Variants in FAN1 observed in about 807,000 individuals in gnomAD.
FAN1 encodes the protein fanconi-associated nuclease 1.
In FAN1, 91 loss-of-function variants were observed where a neutral mutation model predicts 104.9. The observed-to-expected ratio is 0.87, with a 90% confidence interval of 0.73 to 1.03. The LOEUF (loss-of-function observed/expected upper bound fraction) is 1.03, where lower values mean the gene tolerates loss of function less well. Ranked by LOEUF, FAN1 falls within the 50% of genes least tolerant of loss-of-function variation. FAN1 has a pLI of 0.00. For missense variants in FAN1, 1,263 were observed against 1,239.9 expected (o/e 1.02, Z -0.28); for synonymous variants, 478 against 457.6 (o/e 1.04, Z -0.57).
At chr15:30,938,930 T>C in intron 14 of FAN1, 1 of 985,400 alleles carries the variant, frequency 1.0e-6, no homozygotes, top group South Asian at 4.7e-5. Context: ...GATTTCATAC[T>C]GACAACAACA....
chr15:30,937,437 G>C (rs2062888275), intron 14 of FAN1, among the ~76,000 whole-genome samples, 178 bp downstream of exon 14: 1 of 146,802 alleles, frequency 6.8e-6, no homozygotes, highest in Non-Finnish European at 1.5e-5. Flanking sequence ...TCCACACAGT[G>C]GGTAATAAAC....
At chr15:30,930,059 G>A (rs1010348070) in intron 12 of FAN1, among the ~76,000 whole-genome samples, 1 of 142,606 alleles carries the variant, frequency 7.0e-6, no homozygotes, top group Non-Finnish European at 1.5e-5. Context: ...TTATATATAT[G>A]AGAATACCCT....
rs2062682640 is a variant in FAN1 at position 30,930,555 on chromosome 15, T to C, written c.2800T>C (p.Cys934Arg). Residue 934 changes from cysteine to arginine, a missense_variant, in exon 13 of 15, where the codon TGC (cysteine) becomes CGC (arginine). Transcript: ENST00000362065. ...SLQQAQDLVS[C>R]LGGPVLSGVC... The stretch of plus-strand genomic sequence containing the variant: ...GTTTTGTGTTCAGGATCTTGTCTCC[T>C]GCCTGGGGGGCCCTGTGCTCAGTGG... The C allele has an allele frequency of 8.1e-6, 13 of 1,596,840 alleles. No individual in the cohort carries two copies. The highest frequency in any genetic ancestry group is 1.1e-5 in the Non-Finnish European group (13 of 1,175,288).
At chr15:30,927,383 C>T (rs978077642) in intron 10 of FAN1, 4 of 985,410 alleles carry the variant, frequency 4.1e-6, no homozygotes, top group African/African-American at 3.5e-5. Flanking sequence ...GACTTGGCAA[C>T]AGCCAGGAGT....
chr15:30,907,269 G>A (rs1258405198), intron 2 of FAN1, among the ~76,000 whole-genome samples: 10 of 151,990 alleles, frequency 6.6e-5, no homozygotes, highest in African/African-American at 2.4e-4. Context: ...TGTAATCCCA[G>A]CACTTTGGGA....
At chr15:30,909,068 T>C (rs545988811) in intron 3 of FAN1, among the ~76,000 whole-genome samples, 1 of 152,084 alleles carries the variant, frequency 6.6e-6, no homozygotes, top group African/African-American at 2.4e-5. Context: ...CTAAGGAGAG[T>C]CTATCTTCTG....
At chr15:30,914,210 A>T in intron 5 of FAN1, 119 bp downstream of exon 5, 1 of 716,332 alleles carries the variant, frequency 1.4e-6, no homozygotes, top group East Asian at 2.7e-5. Context: ...AACAGTTTTT[A>T]ATCTTTTTTT....
chr15:30,941,157 C>T (rs1368805305), intron 14 of FAN1: 2 of 1,313,162 alleles, frequency 1.5e-6, no homozygotes, highest in African/African-American at 1.5e-5. Context: ...ATGTGACTGA[C>T]TATCAGATAG....
At chr15:30,927,046 T>A in intron 10 of FAN1, 1 of 982,936 alleles carries the variant, frequency 1.0e-6, no homozygotes, top group Non-Finnish European at 1.2e-6. Flanking sequence ...GCACGGTAGC[T>A]TACACTTGTA....
chr15:30,928,645 A>T lies in FAN1; in HGVS notation c.2581A>T (p.Asn861Tyr). 6.2e-7 allele frequency: 1 copy of T among 1,613,744 alleles called. No individual in the cohort carries two copies. Reference sequence around the variant, plus strand: ...GGATGGGATTCCGGATGTCTTCAGAAACGCCTGTCAGGTACTCCAGTGCCC... The same window carrying T: ...GGATGGGATTCCGGATGTCTTCAGATACGCCTGTCAGGTACTCCAGTGCCC... ...FMDGIPDVFRNACQAFPLDLC... is the reference protein window; with the variant it reads ...FMDGIPDVFRYACQAFPLDLC... The change falls in exon 11 of 15, where the codon AAC becomes TAC. Residue 861 changes from asparagine (N) to tyrosine (Y), a missense_variant. This residue lies in a region of FAN1 where 581 missense variants were observed against 668.8 expected (regional missense o/e 0.87). Transcript: ENST00000362065.
At chr15:30,929,724 A>G (rs1363550135) in intron 12 of FAN1, among the ~76,000 whole-genome samples, 588 of 42,626 alleles carry the variant, frequency 0.014, 62 homozygotes, top group African/African-American at 0.019. Flanking sequence ...TAATATATAT[A>G]AAATATATAA....
chr15:30,913,745 TG>T (rs1265007180), intron 4 of FAN1, 112 bp from the exon 5 acceptor site: 3 of 703,378 alleles, frequency 4.3e-6, no homozygotes, highest in Non-Finnish European at 7.1e-6. Flanking sequence ...AATGCTCCAG[TG>T]TTTAAAATAG....
chr15:30,911,695 TTATC>T, intron 4 of FAN1: 1 of 894,702 alleles, frequency 1.1e-6, no homozygotes, highest in Middle Eastern at 5.8e-4. Flanking sequence ...AGTCCTTTCT[TTATC>T]TAATTGTATT....
At chr15:30,927,249 T>G (rs2062487349) in intron 10 of FAN1, 1 of 985,356 alleles carries the variant, frequency 1.0e-6, no homozygotes, top group Non-Finnish European at 1.2e-6. Flanking sequence ...GATCTGGCCT[T>G]TATATTCCTG....
In FAN1 at chr15:30,943,001, C is replaced by A; in HGVS notation, c.*1439C>A. 6.4e-7 allele frequency: 1 copy of A among 1,552,554 alleles called. No homozygotes were observed. On this transcript the variant is annotated 3_prime_UTR_variant, in exon 15 of 15. Coordinates refer to ENST00000362065, the MANE Select transcript of FAN1 (RefSeq NM_014967.5). ...GATCCTTTGCTGTAAACTGGAGAGA[C>A]CAGTCCCAAACAGAGGGGAATTTTA...
chr15:30,925,910 C>A lies in FAN1; in HGVS notation c.2459C>A (p.Ala820Asp), dbSNP rs1384091908. The part of the protein sequence containing the change: ...VLCSVEELAL[A>D]HYRRSGFDQG... ...TGCTCTGTGGAGGAGCTGGCACTGG[C>A]CCATTACAGACGCAGCGGTTTTGAC... is the stretch of plus-strand genomic sequence containing the variant. The change falls in exon 10 of 15, where the codon GCC becomes GAC. Residue 820 changes from alanine (A) to aspartate (D), a missense_variant. Transcript: ENST00000362065. The A allele has an allele frequency of 1.9e-6, 3 of 1,614,070 alleles. No homozygotes were observed. In the African/African-American group the frequency reaches 4.0e-5, roughly 22 times the overall value.
rs745396431 is a variant in FAN1, at chr15:30,941,955, C to G, written c.*393C>G. The G allele has an allele frequency of 6.2e-7, 1 of 1,614,004 alleles. No homozygotes were observed. Among genetic ancestry groups the G allele is most frequent in the Non-Finnish European group, 8.5e-7 (1 of 1,179,900 alleles). Reference sequence around the variant, plus strand: ...CTGTTCTGGCTGTCGGTTTGCTGAGCTGGATCTGGCTTTGGTTTTAATATC... The same window carrying G: ...CTGTTCTGGCTGTCGGTTTGCTGAGGTGGATCTGGCTTTGGTTTTAATATC... On this transcript the variant is annotated 3_prime_UTR_variant, in exon 15 of 15. Coordinates refer to ENST00000362065, the MANE Select transcript of FAN1 (RefSeq NM_014967.5).
chr15:30,909,621 AGTCCCATCC>A (rs2062054826), intron 3 of FAN1, among the ~76,000 whole-genome samples: 1 of 152,236 alleles, frequency 6.6e-6, no homozygotes, highest in Non-Finnish European at 1.5e-5. Context: ...GTCAAGTGCA[AGTCCCATCC>A]ATGCTCCAGC....
At position 30,942,499 on chromosome 15, in the gene FAN1, T is replaced by C; in HGVS notation, c.*937T>C. ...TACCAAAAAAAATCCCAAGAATTTA[T>C]TTGGGAATTATTAAAAAGGCAAACA... On this transcript the variant is annotated 3_prime_UTR_variant, in exon 15 of 15. Transcript: ENST00000362065. The C allele has an allele frequency of 3.8e-6, 1 of 264,774 alleles. No homozygotes were observed. The highest frequency in any genetic ancestry group is 7.1e-6 in the Non-Finnish European group (1 of 141,312). The allele number at this position is 264,774 out of a possible 1,614,324, so 16.4% of individuals were successfully genotyped here.
Sources: gnomAD v4.1 joint callset for allele counts (sites outside exome capture counted in the v4.1 genomes callset) on GRCh38, gnomAD v4.1.1 for gene constraint, gnomAD v4.1.1 regional missense constraint, MANE v1.5 for transcripts, NCBI Gene and HGNC (gene_info 2026-07-23, HGNC 2026-07-21) for gene names.